Variants in ABTB3 observed in about 807,000 individuals in gnomAD.
ABTB3 encodes the protein ankyrin repeat and BTB domain containing 3, also known as ankyrin repeat- and BTB/POZ domain-containing protein 3.
the ABTB3 span, among the ~76,000 whole-genome samples, chr12:107,525,340 A>AAAAAAG: frequency 6.6e-6 from 1 of 151,010 alleles, no homozygotes; most frequent in South Asian, 2.1e-4. Flanking sequence ...AAAAAAAAAA[A>AAAAAAG]AAAAAAAAAA....
At chr12:107,435,098 C>G in the ABTB3 span, among the ~76,000 whole-genome samples, 2 of 152,192 alleles carry the variant, frequency 1.3e-5, no homozygotes, top group African/African-American at 4.8e-5. Context: ...AACTGAACTG[C>G]ATCAGTGCTA....
At chr12:107,476,812 A>AGT in the ABTB3 span, among the ~76,000 whole-genome samples, 3,133 of 148,598 alleles carry the variant, frequency 0.021, 51 homozygotes, top group East Asian at 0.05. Context: ...GAATGCATGA[A>AGT]GTGTGTGTGT....
the ABTB3 span, chr12:107,658,071 A>G: frequency 2.2e-5 from 6 of 277,914 alleles, no homozygotes; most frequent in Non-Finnish European, 4.2e-5. Flanking sequence ...TCACCGTACC[A>G]ACCCTGAAGA....
At chr12:107,338,586 A>G in the ABTB3 span, among the ~76,000 whole-genome samples, 1 of 152,196 alleles carries the variant, frequency 6.6e-6, no homozygotes, top group African/African-American at 2.4e-5. Flanking sequence ...CTGAAGACTA[A>G]TGAGGACATG....
At chr12:107,649,299 C>T in the ABTB3 span, 1 of 1,599,708 alleles carries the variant, frequency 6.3e-7, no homozygotes, top group Non-Finnish European at 8.6e-7. Flanking sequence ...GTGGTGTTGG[C>T]TATCATAGGT....
chr12:107,543,660 G>A, the ABTB3 span, among the ~76,000 whole-genome samples: 10 of 152,066 alleles, frequency 6.6e-5, no homozygotes, highest in Non-Finnish European at 1.5e-4. Context: ...AGGGCTTCCT[G>A]AGCCTTGTTA....
chr12:107,430,655 T>A, the ABTB3 span, among the ~76,000 whole-genome samples: 1 of 152,196 alleles, frequency 6.6e-6, no homozygotes, highest in Admixed American at 6.5e-5. Flanking sequence ...TAAAAAATAA[T>A]GGCGATACGT....
chr12:107,398,470 T>C, the ABTB3 span, among the ~76,000 whole-genome samples: 1 of 146,890 alleles, frequency 6.8e-6, no homozygotes, highest in Non-Finnish European at 1.5e-5. Flanking sequence ...AGGCTAGAAG[T>C]AGCAGGCTTG....
the ABTB3 span, among the ~76,000 whole-genome samples, chr12:107,398,481 C>T: frequency 6.6e-6 from 1 of 152,246 alleles, no homozygotes; most frequent in Non-Finnish European, 1.5e-5. Flanking sequence ...AGCAGGCTTG[C>T]CCGTTGCTGG....
At chr12:107,397,107 T>A in the ABTB3 span, among the ~76,000 whole-genome samples, 1 of 152,208 alleles carries the variant, frequency 6.6e-6, no homozygotes, top group Non-Finnish European at 1.5e-5. Context: ...GTGCCTCCCC[T>A]TGGAACCCCA....
the ABTB3 span, among the ~76,000 whole-genome samples, chr12:107,363,309 T>A: frequency 1.3e-5 from 2 of 152,252 alleles, no homozygotes; most frequent in Non-Finnish European, 2.9e-5. Flanking sequence ...TGTCCTTGCT[T>A]CTTAGAGAAC....
the ABTB3 span, among the ~76,000 whole-genome samples, chr12:107,551,738 A>T: frequency 6.6e-6 from 1 of 150,744 alleles, no homozygotes; most frequent in East Asian, 1.9e-4. Flanking sequence ...CTGACCTCTA[A>T]TGTGGGTTAT....
the ABTB3 span, among the ~76,000 whole-genome samples, chr12:107,338,274 C>T: frequency 2.6e-5 from 4 of 152,188 alleles, no homozygotes; most frequent in African/African-American, 7.2e-5. Flanking sequence ...ACTGTAATTT[C>T]GAACCCCACA....
At chr12:107,328,912 C>A in the ABTB3 span, among the ~76,000 whole-genome samples, 1 of 152,104 alleles carries the variant, frequency 6.6e-6, no homozygotes, top group Non-Finnish European at 1.5e-5. Context: ...ATTGTCCTTG[C>A]GCATAATATG....
At chr12:107,446,168 G>A in the ABTB3 span, among the ~76,000 whole-genome samples, 5 of 152,124 alleles carry the variant, frequency 3.3e-5, 1 homozygote, top group Admixed American at 3.3e-4. Flanking sequence ...TTCAGTGAAG[G>A]TATAGTAAAC....
the ABTB3 span, among the ~76,000 whole-genome samples, chr12:107,509,103 A>G: frequency 6.6e-6 from 1 of 152,186 alleles, no homozygotes; most frequent in Non-Finnish European, 1.5e-5. Flanking sequence ...TCCTTGATAC[A>G]GAGATGAGGA....
the ABTB3 span, among the ~76,000 whole-genome samples, chr12:107,510,675 C>A: frequency 0.093 from 14,101 of 152,072 alleles, 756 homozygotes; most frequent in South Asian, 0.14. Context: ...AATCCCAGCA[C>A]TTTGGGAAGC....
the ABTB3 span, among the ~76,000 whole-genome samples, chr12:107,634,153 C>T: frequency 3.3e-5 from 5 of 152,156 alleles, no homozygotes; most frequent in Non-Finnish European, 7.4e-5. Flanking sequence ...TTTGGATTTT[C>T]TTTTGTATGC....
chr12:107,588,848 C>T, the ABTB3 span, among the ~76,000 whole-genome samples: 5 of 152,124 alleles, frequency 3.3e-5, no homozygotes, highest in African/African-American at 9.7e-5. Context: ...TGTTGGTTGT[C>T]CATCCAAGTG....
Sources: allele counts gnomAD v4.1 joint callset (sites outside exome capture counted in the v4.1 genomes callset), GRCh38; gene constraint gnomAD v4.1.1; transcripts MANE v1.5; gene names NCBI Gene and HGNC (gene_info 2026-07-23, HGNC 2026-07-21).